Variants in ZNF730 observed in about 807,000 individuals in gnomAD.
ZNF730 encodes the protein putative zinc finger protein 730.
A neutral mutation model predicts 12.6 loss-of-function variants in ZNF730; 12 were observed. The ratio of observed to expected loss-of-function variants is 0.95; its 90% CI spans 0.61 to 1.54. ZNF730 has a LOEUF of 1.54. ZNF730 is among the 40% of genes most tolerant of loss of function. The pLI is 0.00. For synonymous variants in ZNF730, 194 were observed against 195.8 expected, an observed-to-expected ratio of 0.99 and a Z score of 0.08; for missense variants, 643 against 583.5, an observed-to-expected ratio of 1.10 and a Z score of -1.05.
intron 1 of ZNF730, among the ~76,000 whole-genome samples, chr19:23,107,428 T>G (rs914906991): frequency 2.0e-5 from 2 of 99,696 alleles, no homozygotes; most frequent in African/African-American, 8.4e-5. Flanking sequence ...ATATCCTGTC[T>G]CTACTTTAAA....
In ZNF730 at chr19:23,117,162, G is replaced by A; in HGVS notation, c.-12G>A. 1.2e-6 allele frequency: 2 copies of A among 1,613,914 alleles called. No homozygotes were observed. The highest frequency in any genetic ancestry group is 8.5e-7 in the Non-Finnish European group (1 of 1,179,832). On this transcript the variant is annotated 5_prime_UTR_variant, in exon 1 of 4. Transcript: ENST00000597761. Reference sequence around the variant, plus strand: ...CACAGCTAAGACGCCAGGGCCCCCTGGAAGCCTAGAAATGGTGAGAGTGCC... The same window carrying A: ...CACAGCTAAGACGCCAGGGCCCCCTAGAAGCCTAGAAATGGTGAGAGTGCC...
In ZNF730 at chr19:23,138,298, A is replaced by AG. The variant is rs1425875289; in HGVS notation, c.226+2255_226+2256insG. The stretch of plus-strand genomic sequence containing the variant: ...ACTCCGTCTCAAAAAAAAAAAAAAA[A>AG]AAAAAGAAAATGGCTTTCACTGGGT... On this transcript the variant is annotated intron_variant, in intron 3 of 3. Transcript: ENST00000597761. 1.4e-3 allele frequency among the ~76,000 whole-genome samples: 22 copies of AG among 15,228 alleles called. 10 individuals are homozygous for AG. The highest frequency in any genetic ancestry group is 2.4e-3 in the Non-Finnish European group (11 of 4,600). 10.0% of individuals were successfully genotyped at this position (15,228 alleles called of 152,430 possible).
At chr19:23,130,292 T>C (rs1970730742) in intron 1 of ZNF730, among the ~76,000 whole-genome samples, 1 of 152,202 alleles carries the variant, frequency 6.6e-6, no homozygotes, top group South Asian at 2.1e-4. Context: ...TGCCTGCCAC[T>C]ATCTATGTAA....
Position 23,147,029 on chromosome 19 carries a change from T to C in ZNF730, c.*473T>C, listed in dbSNP as rs963296901. 1.2e-4 allele frequency: 36 copies of C among 291,964 alleles called. No individual in the cohort carries two copies. The highest frequency in any genetic ancestry group is 2.4e-4 in the African/African-American group (11 of 45,782). 18.1% of individuals were successfully genotyped at this position (291,964 alleles called of 1,614,324 possible). On this transcript the variant is annotated 3_prime_UTR_variant, in exon 4 of 4. Transcript: ENST00000597761. ...TCACATTTAATTGTAGGTAAGGTGA[T>C]TCATACTGGAGAAAACTTCTACAAG...
chr19:23,117,767 G>T (rs549761689), intron 1 of ZNF730, among the ~76,000 whole-genome samples: 1 of 152,266 alleles, frequency 6.6e-6, no homozygotes, highest in East Asian at 1.9e-4. Flanking sequence ...TTTGCACCTT[G>T]AGCGTACAAA....
chr19:23,090,824 C>T (rs1465688862), intron 1 of ZNF730, among the ~76,000 whole-genome samples: 2 of 151,942 alleles, frequency 1.3e-5, no homozygotes, highest in Non-Finnish European at 2.9e-5. Context: ...TGGTGAAACC[C>T]CATCTCTACT....
chr19:23,144,430 G>A (rs913100039), intron 3 of ZNF730, among the ~76,000 whole-genome samples: 1 of 152,134 alleles, frequency 6.6e-6, no homozygotes, highest in Non-Finnish European at 1.5e-5. Context: ...GCCAGTTGTG[G>A]TGGCTCATGT....
At chr19:23,131,026 T>A (rs1970737465) in intron 1 of ZNF730, among the ~76,000 whole-genome samples, 1 of 152,142 alleles carries the variant, frequency 6.6e-6, no homozygotes, top group Non-Finnish European at 1.5e-5. Flanking sequence ...AAATGAGAAA[T>A]ATAAAGTATG....
rs76383104 is a variant in ZNF730 at position 23,080,245 on chromosome 19, A to G, written c.-94+4858A>G. ...TTAATCTACTCATTTGTAAAGGGAC[A>G]TTTGCTTCCAGGTATTATCTTTTGT... is the stretch of plus-strand genomic sequence containing the variant. On this transcript the variant is annotated intron_variant, in intron 1 of 2. Transcript: ENST00000593635. Among the ~76,000 whole-genome samples, 511 of 152,218 alleles carry G rather than the reference A, an allele frequency of 3.4e-3. 3 individuals are homozygous for G. Among genetic ancestry groups the G allele is most frequent in the African/African-American group, 0.012 (493 of 41,538 alleles).
intron 1 of ZNF730, among the ~76,000 whole-genome samples, chr19:23,106,955 G>A (rs567524116): frequency 4.6e-5 from 7 of 151,944 alleles, no homozygotes; most frequent in Admixed American, 4.6e-4. Flanking sequence ...CTATATGTTG[G>A]CATATACACA....
At chr19:23,090,686 C>T (rs1970143066) in intron 1 of ZNF730, among the ~76,000 whole-genome samples, 1 of 152,068 alleles carries the variant, frequency 6.6e-6, no homozygotes, top group Non-Finnish European at 1.5e-5. Context: ...CCATCACAGG[C>T]CCAGAGGCCC....
chr19:23,124,552 A>C (rs1970639621), intron 1 of ZNF730, among the ~76,000 whole-genome samples: 1 of 152,192 alleles, frequency 6.6e-6, no homozygotes, highest in Non-Finnish European at 1.5e-5. Flanking sequence ...GGTAACTGGG[A>C]ACCCTCTCAC....
chr19:23,113,373 C>T (rs1970478461), upstream of ZNF730, among the ~76,000 whole-genome samples: 1 of 152,140 alleles, frequency 6.6e-6, no homozygotes, highest in Admixed American at 6.6e-5. Context: ...TTCATGCAAT[C>T]ACCTGTAGAA....
chr19:23,134,821 T>G (rs1407065107), intron 2 of ZNF730, among the ~76,000 whole-genome samples: 3 of 130,442 alleles, frequency 2.3e-5, no homozygotes, highest in Non-Finnish European at 4.9e-5. Context: ...AATCGGATGG[T>G]TGCCGGGTCT....
chr19:23,106,188 GGAGGAGAAAAGGAAGGGGAAGAAAAAA>G (rs1970390638), intron 1 of ZNF730, among the ~76,000 whole-genome samples: 2 of 151,770 alleles, frequency 1.3e-5, no homozygotes, highest in South Asian at 4.2e-4. Flanking sequence ...AATAGAAGGA[GGAGGAGAAAAGGAAGGGGAAGAAAAAA>G]GAGGAGGAGG....
chr19:23,089,931 G>T (rs557114169), intron 1 of ZNF730, among the ~76,000 whole-genome samples: 262 of 152,228 alleles, frequency 1.7e-3, no homozygotes, highest in Middle Eastern at 3.4e-3. Context: ...AAAAAATGCT[G>T]ATAGTGATAT....
chr19:23,146,855 C>A lies in ZNF730; in HGVS notation c.*299C>A. The A allele has an allele frequency of 1.4e-6, 1 of 739,942 alleles. No individual in the cohort carries two copies. The highest frequency in any genetic ancestry group is 2.4e-6 in the Non-Finnish European group (1 of 423,640). 45.8% of individuals were successfully genotyped at this position (739,942 alleles called of 1,614,324 possible). On this transcript the variant is annotated 3_prime_UTR_variant, in exon 4 of 4. Coordinates refer to ENST00000597761, the MANE Select transcript of ZNF730 (RefSeq NM_001277403.2). ...CCTTTAACAAATCCTTAATTCTTAA[C>A]AGACATGATTCATACCAGAGAGAAA...
chr19:23,132,951 T>C (rs1970763618), intron 1 of ZNF730, among the ~76,000 whole-genome samples: 2 of 151,752 alleles, frequency 1.3e-5, no homozygotes, highest in African/African-American at 2.4e-5. Flanking sequence ...AATTTACTTT[T>C]GGAGGGCCAC....
chr19:23,093,563 G>A (rs961374237), intron 1 of ZNF730, among the ~76,000 whole-genome samples: 2 of 152,182 alleles, frequency 1.3e-5, no homozygotes, highest in Admixed American at 1.3e-4. Context: ...GGTGGTGGCA[G>A]CTTGATCCCC....
Sources: allele counts gnomAD v4.1 joint callset (sites outside exome capture counted in the v4.1 genomes callset), GRCh38; gene constraint gnomAD v4.1.1; transcripts MANE v1.5; gene names NCBI Gene and HGNC (gene_info 2026-07-23, HGNC 2026-07-21).